The following PRKAG1 variants were observed in gnomAD, a reference collection of about 807,000 sequenced individuals.
The protein encoded by PRKAG1 is 5'-AMP-activated protein kinase subunit gamma-1.
PRKAG1 carries 27 observed loss-of-function variants against 48.2 expected under a neutral mutation model. The observed-to-expected ratio is 0.56, with a 90% CI of 0.41 to 0.77. PRKAG1 has a LOEUF of 0.77. Among genes scored for constraint, PRKAG1 ranks in the 30% least tolerant of loss-of-function variants. The probability of loss-of-function intolerance (pLI) is 0.00; values close to 1 mark genes in which losing one functional copy is unlikely to be tolerated. For missense variants in PRKAG1, 287 were observed against 398.3 expected (o/e 0.72, Z 2.38); for synonymous variants, 130 against 147.7 (o/e 0.88, Z 0.87).
chr12:49,002,769 TAGA>T lies in PRKAG1; in HGVS notation c.*127_*129del, dbSNP rs1465971076. 1.1e-6 allele frequency: 1 copy of T among 875,184 alleles called. No individual in the cohort carries two copies. Among genetic ancestry groups the T allele is most frequent in the Non-Finnish European group, 1.8e-6 (1 of 541,530 alleles). The allele number at this position is 875,184 out of a possible 1,614,324, so 54.2% of individuals were successfully genotyped here. ...CCCCATACCTTCCCTAGCTCCCAGATAGAAGGGCAGGGGACCCTGAACAGGGAA... is the reference window on the plus strand; with the variant it reads ...CCCCATACCTTCCCTAGCTCCCAGATAGGGCAGGGGACCCTGAACAGGGAA... On this transcript the variant is annotated 3_prime_UTR_variant, in exon 12 of 12. Transcript: ENST00000548065.
chr12:49,016,008 T>C (rs1248195424), intron 1 of PRKAG1, among the ~76,000 whole-genome samples: 2 of 151,608 alleles, frequency 1.3e-5, no homozygotes, highest in East Asian at 1.9e-4. Context: ...TGCAGCGGCA[T>C]GATCACAGAT....
chr12:49,013,161 G>T, intron 1 of PRKAG1, 51 bp from the exon 2 acceptor site: 1 of 1,522,812 alleles, frequency 6.6e-7, no homozygotes, highest in Non-Finnish European at 9.1e-7. Context: ...ATCCATTTTA[G>T]CCTAGCAACA....
chr12:49,013,091 G>T lies in PRKAG1; in HGVS notation c.29C>A (p.Ser10Tyr), dbSNP rs201467526. ...AGGATGCTCATTTTCCACAGCTGGG[G>T]AGCTATCTGAAGAAATGACCTGGAG... is the stretch of plus-strand genomic sequence containing the variant. Reference protein sequence around the residue: METVISSDSSPAVENEHPQE... With the variant: METVISSDSYPAVENEHPQE... Residue 10 changes from serine to tyrosine, a missense_variant, in exon 2 of 12, where the codon TCC (serine) becomes TAC (tyrosine). Ser to Tyr is a moderately radical substitution (Grantham distance 144). Coordinates refer to ENST00000548065, the MANE Select transcript of PRKAG1 (RefSeq NM_002733.5). The T allele has an allele frequency of 5.0e-6, 8 of 1,613,678 alleles. No individual in the cohort carries two copies. The highest frequency in any genetic ancestry group is 5.9e-6 in the Non-Finnish European group (7 of 1,179,722).
At chr12:49,004,813 CTGTGTGTGTGTGTGTGTGTGTGTGTG>C (rs3832821) in intron 7 of PRKAG1, 125 bp downstream of exon 7, 20 of 714,342 alleles carry the variant, frequency 2.8e-5, no homozygotes, top group Middle Eastern at 4.1e-4. Flanking sequence ...GAGAGAGAGA[CTGTGTGTGTGTGTGTGTGTGTGTGTG>C]TGTGTGTGTG....
intron 1 of PRKAG1, chr12:49,018,448 A>G: frequency 7.5e-7 from 1 of 1,331,318 alleles, no homozygotes; most frequent in Non-Finnish European, 9.6e-7. Context: ...AGGAGGCCCG[A>G]GATTGCCACG....
At chr12:49,010,769 G>A (rs139533985) in intron 2 of PRKAG1, among the ~76,000 whole-genome samples, 1 of 151,710 alleles carries the variant, frequency 6.6e-6, no homozygotes, top group Non-Finnish European at 1.5e-5. Flanking sequence ...CCTATGGTGT[G>A]TTTGTGTCTT....
In PRKAG1 at chr12:49,013,133, T is replaced by C. The variant is rs764445336; in HGVS notation, c.10-23A>G. On this transcript the variant is annotated intron_variant, in intron 1 of 11. Coordinates refer to ENST00000548065, the MANE Select transcript of PRKAG1 (RefSeq NM_002733.5). ...GACCTGGAGAGATAAGAAAACAGAT[T>C]CAGCTTAACCTGGTTCCATCCATTT... 3.4e-5 allele frequency: 55 copies of C among 1,607,628 alleles called. 1 individual carries two copies. The highest frequency in any genetic ancestry group is 4.6e-5 in the Non-Finnish European group (54 of 1,174,310).
chr12:49,005,215 A>G lies in PRKAG1; in HGVS notation c.310-50T>C, dbSNP rs1565733486. On this transcript the variant is annotated intron_variant, in intron 5 of 11. Transcript: ENST00000548065. The surrounding 1 kb of genome is among the most constrained non-coding windows in gnomAD (Gnocchi z 4.1). ...GAGACCTGATCTCTCTGCTTCCTTA[A>G]GCCCTCGTGGCTTGCTTGGAGAAAA... The G allele has an allele frequency of 1.2e-6, 2 of 1,613,410 alleles. No homozygotes were observed. Among genetic ancestry groups the G allele is most frequent in the Admixed American group, 1.7e-5 (1 of 60,008 alleles).
chr12:49,006,446 A>G (rs1174758058), intron 2 of PRKAG1, among the ~76,000 whole-genome samples: 2 of 152,174 alleles, frequency 1.3e-5, no homozygotes, highest in Admixed American at 6.5e-5. Flanking sequence ...CTCATTAACA[A>G]TAAGTTGGAG....
At chr12:49,007,713 G>A (rs1324743792) in intron 2 of PRKAG1, among the ~76,000 whole-genome samples, 1 of 149,394 alleles carries the variant, frequency 6.7e-6, no homozygotes, top group Admixed American at 6.6e-5. Flanking sequence ...TTTTCATTTT[G>A]GGGCATTATT....
intron 2 of PRKAG1, among the ~76,000 whole-genome samples, chr12:49,006,965 G>A (rs908121254): frequency 2.7e-5 from 4 of 147,730 alleles, no homozygotes; most frequent in Non-Finnish European, 4.5e-5. Flanking sequence ...GTGAAACTCC[G>A]TGTCAAAAAA....
intron 7 of PRKAG1, 108 bp from the exon 8 acceptor site, chr12:49,004,741 G>A (rs1030265155): frequency 2.0e-6 from 3 of 1,525,476 alleles, no homozygotes; most frequent in African/African-American, 2.7e-5. Flanking sequence ...TTAGGGAAGG[G>A]GGGCAGTGTA....
Position 49,005,474 on chromosome 12 carries a change from GCTTCTTACTAT to G in PRKAG1, c.227_237del (p.Asp76AlafsTer11). ...AACTTTTGCTTACCCACAAAACTTT[GCTTCTTACTAT>G]CCCATAAAGGGGCAGCTCGTACACC... On this transcript the variant is annotated frameshift_variant, in exon 4 of 12. Coordinates refer to ENST00000548065, the MANE Select transcript of PRKAG1 (RefSeq NM_002733.5). LOFTEE classifies it high-confidence loss of function. This position sits in a 1 kb window ranked among gnomAD's most constrained non-coding sequence, Gnocchi z 4.1. 6.2e-7 allele frequency: 1 copy of G among 1,614,080 alleles called. No individual in the cohort carries two copies. The highest frequency in any genetic ancestry group is 8.5e-7 in the Non-Finnish European group (1 of 1,180,004).
In PRKAG1 at chr12:49,012,810, T is replaced by C. The variant is rs544721937; in HGVS notation, c.58+252A>G. On this transcript the variant is annotated intron_variant, in intron 2 of 11. Transcript: ENST00000548065. ...ATGGTAGCCAGCCCAGAGTTGCCTATGGAAGTTTTGCCTGTACCTCAGATG... is the reference window on the plus strand; with the variant it reads ...ATGGTAGCCAGCCCAGAGTTGCCTACGGAAGTTTTGCCTGTACCTCAGATG... 173 of 482,902 alleles carry C rather than the reference T, an allele frequency of 3.6e-4. 5 individuals carry two copies. In the South Asian group the frequency reaches 3.9e-3, roughly 11 times the overall value. 29.9% of individuals were successfully genotyped at this position (482,902 alleles called of 1,614,324 possible). A position where few individuals can be genotyped will look rare whatever the true frequency, so the allele number is the denominator to read the frequency against.
chr12:49,004,812 A>AGT (rs1941456691), intron 7 of PRKAG1, 152 bp downstream of exon 7: 9 of 962,122 alleles, frequency 9.4e-6, no homozygotes, highest in South Asian at 1.6e-5. Flanking sequence ...AGAGAGAGAG[A>AGT]CTGTGTGTGT....
At chr12:49,012,896 T>C in intron 2 of PRKAG1, 166 bp downstream of exon 2, 1 of 646,040 alleles carries the variant, frequency 1.5e-6, no homozygotes. Context: ...CCAAGATTTA[T>C]TCCTGGGTGA....
In PRKAG1 at chr12:49,018,743, C is replaced by G. The variant is rs748011755; in HGVS notation, c.-3G>C. The G allele has an allele frequency of 6.2e-7, 1 of 1,612,920 alleles. No homozygotes were observed. ...CCTGCACTCCTCACCGTCTCCATTGCAAGAGGCGCCCGGCTTGGTTTCCTC... is the reference window on the plus strand; with the variant it reads ...CCTGCACTCCTCACCGTCTCCATTGGAAGAGGCGCCCGGCTTGGTTTCCTC... On this transcript the variant is annotated 5_prime_UTR_variant, in exon 1 of 12. Transcript: ENST00000548065.
intron 2 of PRKAG1, among the ~76,000 whole-genome samples, chr12:49,011,221 G>A (rs1193808917): frequency 6.6e-6 from 1 of 152,160 alleles, no homozygotes; most frequent in African/African-American, 2.4e-5. Context: ...CCAAGAACAT[G>A]TCTTTGGACA....
At position 49,003,305 on chromosome 12, in the gene PRKAG1, G is replaced by A; in HGVS notation, c.742-15C>T. ...GCTGCCAGATTCTGGGGAGACAGAGGAAGGAGCTTGCAGGGAAGCAAGAGA... is the reference window on the plus strand; with the variant it reads ...GCTGCCAGATTCTGGGGAGACAGAGAAAGGAGCTTGCAGGGAAGCAAGAGA... On this transcript the variant is annotated splice_polypyrimidine_tract_variant and intron_variant, in intron 10 of 11. Transcript: ENST00000548065. 1 of 1,613,834 alleles carries A rather than the reference G, an allele frequency of 6.2e-7. No individual in the cohort carries two copies. Among genetic ancestry groups the A allele is most frequent in the South Asian group, 1.1e-5 (1 of 90,960 alleles).
Sources: gnomAD v4.1 joint callset for allele counts (sites outside exome capture counted in the v4.1 genomes callset) on GRCh38, gnomAD v4.1.1 for gene constraint, Gnocchi (gnomAD v3.1) non-coding constraint, MANE v1.5 for transcripts, NCBI Gene and HGNC (gene_info 2026-07-23, HGNC 2026-07-21) for gene names.